Variants in MPHOSPH8 observed in about 807,000 individuals in gnomAD.
The protein encoded by MPHOSPH8 is M-phase phosphoprotein, mpp.
Under a neutral mutation model 87.3 loss-of-function variants are expected in MPHOSPH8, and 45 were observed. That is an observed-to-expected ratio of 0.52 (90% CI 0.41 to 0.66). The LOEUF is 0.66. Among genes scored for constraint, MPHOSPH8 ranks in the 30% least tolerant of loss-of-function variants. The pLI is 0.00. For missense variants in MPHOSPH8, 883 were observed against 1,020.2 expected (o/e 0.87, Z 1.83); for synonymous variants, 366 against 376.9 (o/e 0.97, Z 0.33).
At chr13:19,636,457 G>T (rs925933671) in intron 1 of MPHOSPH8, among the ~76,000 whole-genome samples, 2 of 151,486 alleles carry the variant, frequency 1.3e-5, no homozygotes, top group East Asian at 1.9e-4. Flanking sequence ...AGTAAGCAGA[G>T]AATTAAATTC....
At chr13:19,642,902 C>T (rs1248417892) in intron 2 of MPHOSPH8, among the ~76,000 whole-genome samples, 1 of 152,104 alleles carries the variant, frequency 6.6e-6, no homozygotes, top group Non-Finnish European at 1.5e-5. Context: ...AACAGAAGTG[C>T]CTGGCATTTA....
intron 7 of MPHOSPH8, chr13:19,659,663 TC>T: frequency 1.5e-5 from 6 of 402,868 alleles, no homozygotes; most frequent in Non-Finnish European, 2.0e-5. Context: ...GACTCCCATC[TC>T]AAAAAAAAAA....
At chr13:19,671,018 A>C (rs1876095838) in intron 12 of MPHOSPH8, 188 bp from the exon 13 acceptor site, 1 of 1,320,770 alleles carries the variant, frequency 7.6e-7, no homozygotes, top group African/African-American at 1.5e-5. Flanking sequence ...ATGGGGTTTC[A>C]CCATGTTGGC....
intron 2 of MPHOSPH8, among the ~76,000 whole-genome samples, chr13:19,645,313 C>G (rs1874509634): frequency 6.6e-6 from 1 of 152,196 alleles, no homozygotes; most frequent in South Asian, 2.1e-4. Flanking sequence ...TTGGGACTTA[C>G]TAAAACCAAA....
chr13:19,665,747 C>A (rs1875778847), intron 9 of MPHOSPH8, among the ~76,000 whole-genome samples: 2 of 152,198 alleles, frequency 1.3e-5, no homozygotes, highest in South Asian at 2.1e-4. Context: ...GGCACAGGCA[C>A]CCTTATCCTC....
intron 7 of MPHOSPH8, chr13:19,661,049 G>A: frequency 2.5e-6 from 2 of 815,104 alleles, no homozygotes; most frequent in Non-Finnish European, 3.0e-6. Context: ...CTTGAGCCCA[G>A]GAGTTTGAGA....
chr13:19,666,665 G>A, intron 10 of MPHOSPH8, 86 bp downstream of exon 10: 5 of 1,258,108 alleles, frequency 4.0e-6, no homozygotes, highest in Non-Finnish European at 5.3e-6. Context: ...TGGCCTGTGT[G>A]TAACTGCTCA....
At chr13:19,668,086 A>G (rs1164488151) in intron 10 of MPHOSPH8, among the ~76,000 whole-genome samples, 1 of 152,190 alleles carries the variant, frequency 6.6e-6, no homozygotes, top group East Asian at 1.9e-4. Flanking sequence ...TCATTAGACA[A>G]CTATGTATTA....
In MPHOSPH8 at chr13:19,646,913, A is replaced by T. The variant is rs1351118193; in HGVS notation, c.840A>T (p.Glu280Asp). 1 of 1,603,628 alleles carries T rather than the reference A, an allele frequency of 6.2e-7. No homozygotes were observed. The highest frequency in any genetic ancestry group is 1.1e-5 in the South Asian group (1 of 88,380). The change falls in exon 3 of 14, where the codon GAA becomes GAT. Residue 280 changes from glutamate (E) to aspartate (D), a missense_variant. Around this residue, in one of 3 missense-constraint regions of MPHOSPH8, gnomAD observed 741 missense variants for 841.5 expected, o/e 0.88. Coordinates refer to ENST00000361479, the MANE Select transcript of MPHOSPH8 (RefSeq NM_017520.4). ...CTCCCTTTCCAGAGGATGACAGTGAAGGGCTACATTCCGACAGCAGAGAAG... is the reference window on the plus strand; with the variant it reads ...CTCCCTTTCCAGAGGATGACAGTGATGGGCTACATTCCGACAGCAGAGAAG... ...NDSPFPEDDSEGLHSDSREEK... is the reference protein window; with the variant it reads ...NDSPFPEDDSDGLHSDSREEK...
chr13:19,638,489 T>C (rs1874116972), intron 1 of MPHOSPH8, among the ~76,000 whole-genome samples: 1 of 151,330 alleles, frequency 6.6e-6, no homozygotes, highest in Admixed American at 6.6e-5. Context: ...GGTGTGCGCC[T>C]GTAGTCTCAG....
Position 19,656,467 on chromosome 13 carries a change from T to C in MPHOSPH8, c.1577-2528T>C, listed in dbSNP as rs571188077. ...AATAATAAATGTATTTTTTAAAAGA[T>C]ACAGTTTTCAGGCCGGGCGCGGTGG... On this transcript the variant is annotated intron_variant, in intron 5 of 13. Transcript: ENST00000361479. Among the ~76,000 whole-genome samples, 438 of 152,242 alleles carry C rather than the reference T, an allele frequency of 2.9e-3. 1 individual carries two copies. The highest frequency in any genetic ancestry group is 0.01 in the African/African-American group (417 of 41,540).
intron 13 of MPHOSPH8, 139 bp downstream of exon 13, chr13:19,671,428 G>A (rs1876120047): frequency 4.4e-6 from 3 of 686,764 alleles, no homozygotes; most frequent in Admixed American, 2.7e-5. Context: ...GTGATGCTAG[G>A]TGCACCCTCT....
Position 19,633,664 on chromosome 13 carries a change from G to A in MPHOSPH8, c.-85G>A. The A allele has an allele frequency of 7.0e-7, 1 of 1,430,726 alleles. No individual in the cohort carries two copies. Among genetic ancestry groups the A allele is most frequent in the Non-Finnish European group, 9.6e-7 (1 of 1,040,110 alleles). The allele number at this position is 1,430,726 out of a possible 1,614,324, so 88.6% of individuals were successfully genotyped here. On this transcript the variant is annotated 5_prime_UTR_variant, in exon 1 of 14. An upstream open reading frame in the 5' UTR gains an earlier in-frame stop. Coordinates refer to ENST00000361479, the MANE Select transcript of MPHOSPH8 (RefSeq NM_017520.4). ...TCGGCTTCCGTTACGCCGCTGATGT[G>A]GAGTAGGGCCGAGCGCGGAACGCGA...
At position 19,659,016 on chromosome 13, in the gene MPHOSPH8, G is replaced by T; in HGVS notation, c.1598G>T (p.Ser533Ile). 1 of 1,613,688 alleles carries T rather than the reference G, an allele frequency of 6.2e-7. No homozygotes were observed. The highest frequency in any genetic ancestry group is 2.2e-5 in the East Asian group (1 of 44,890). The part of the protein sequence containing the change: ...ENSDGRQQIL[S>I]LGMDLQLEWM... Reference sequence around the variant, plus strand: ...CCAGATGGCAGGCAGCAGATTCTGAGTTTGGGCATGGACCTGCAGTTGGAA... The same window carrying T: ...CCAGATGGCAGGCAGCAGATTCTGATTTTGGGCATGGACCTGCAGTTGGAA... The change falls in exon 6 of 14, where the codon AGT becomes ATT. Residue 533 changes from serine (S) to isoleucine (I), a missense_variant. This residue lies in a region of MPHOSPH8 where 741 missense variants were observed against 841.5 expected (regional missense o/e 0.88). Coordinates refer to ENST00000361479, the MANE Select transcript of MPHOSPH8 (RefSeq NM_017520.4).
chr13:19,650,121 C>G lies in MPHOSPH8; in HGVS notation c.1437C>G (p.Asp479Glu). Residue 479 changes from aspartate to glutamate, a missense_variant, in exon 5 of 14, where the codon GAC becomes GAG. Physicochemically the swap from Asp to Glu is conservative, Grantham distance 45. Around this residue, in one of 3 missense-constraint regions of MPHOSPH8, gnomAD observed 741 missense variants for 841.5 expected, o/e 0.88. Transcript: ENST00000361479. ...EEIPLDFKTI[D>E]DHKTKENKQS... ...TACCACTGGATTTTAAAACCATAGA[C>G]GATCACAAAACCAAGGAAAACAAAC... The G allele has an allele frequency of 6.2e-7, 1 of 1,613,920 alleles. No individual in the cohort carries two copies. Among genetic ancestry groups the G allele is most frequent in the Non-Finnish European group, 8.5e-7 (1 of 1,179,956 alleles).
chr13:19,653,219 G>T (rs1275685610), intron 5 of MPHOSPH8, among the ~76,000 whole-genome samples: 1 of 152,224 alleles, frequency 6.6e-6, no homozygotes, highest in East Asian at 1.9e-4. Context: ...CTGGGACGAA[G>T]CTTCCAGAGG....
rs1876049105 is a variant in MPHOSPH8, at chr13:19,670,248, T to G, written c.2342T>G (p.Leu781Arg). 6.2e-7 allele frequency: 1 copy of G among 1,614,074 alleles called. No individual in the cohort carries two copies. The highest frequency in any genetic ancestry group is 8.5e-7 in the Non-Finnish European group (1 of 1,180,022). The change falls in exon 12 of 14, where the codon CTG (leucine) becomes CGG (arginine). Residue 781 changes from leucine to arginine, a missense_variant. Physicochemically the swap from Leu to Arg is moderately radical, Grantham distance 102. Transcript: ENST00000361479. ...PQNIPEGSGI[L>R]LFIFHANFLG... ...CTCCCATTTTCAGGCTCTGGCATCCTGCTGTTTATCTTCCATGCAAACTTT... is the reference window on the plus strand; with the variant it reads ...CTCCCATTTTCAGGCTCTGGCATCCGGCTGTTTATCTTCCATGCAAACTTT...
chr13:19,668,982 C>A (rs1304602344), intron 11 of MPHOSPH8, among the ~76,000 whole-genome samples: 1 of 152,164 alleles, frequency 6.6e-6, no homozygotes, highest in Non-Finnish European at 1.5e-5. Flanking sequence ...CTGGCCCTCT[C>A]TACACGTGGC....
In MPHOSPH8 at chr13:19,666,480, A is replaced by C. The variant is rs1875820711; in HGVS notation, c.2075A>C (p.Asp692Ala). 8 of 1,611,992 alleles carry C rather than the reference A, an allele frequency of 5.0e-6. No individual in the cohort carries two copies. The highest frequency in any genetic ancestry group is 6.8e-6 in the Non-Finnish European group (8 of 1,178,178). The change falls in exon 10 of 14, where the codon GAC becomes GCC. Residue 692 changes from aspartate to alanine, a missense_variant. This residue lies in a region of MPHOSPH8 where 741 missense variants were observed against 841.5 expected (regional missense o/e 0.88). Transcript: ENST00000361479. ...IVRLVIECGA[D>A]CNILSKHQNS... Reference sequence around the variant, plus strand: ...CGACTCGTAATTGAATGTGGAGCTGACTGCAATATTTTGTCAAAGCACCAG... The same window carrying C: ...CGACTCGTAATTGAATGTGGAGCTGCCTGCAATATTTTGTCAAAGCACCAG...
Sources: gnomAD v4.1 joint callset for allele counts (sites outside exome capture counted in the v4.1 genomes callset) on GRCh38, gnomAD v4.1.1 for gene constraint, gnomAD v4.1.1 regional missense constraint, MANE v1.5 for transcripts, NCBI Gene and HGNC (gene_info 2026-07-23, HGNC 2026-07-21) for gene names.